USH2A: variants seen among roughly 807,000 people sequenced by gnomAD.
USH2A encodes Usher syndrome 2A (autosomal recessive, mild).
A neutral mutation model predicts 538.9 loss-of-function variants in USH2A; 443 were observed. The ratio of observed to expected loss-of-function variants is 0.82; its 90% CI spans 0.76 to 0.89. USH2A has a LOEUF of 0.89. USH2A is among the 40% of genes least tolerant of loss of function. The probability of loss-of-function intolerance (pLI) is 0.00; values close to 1 mark genes in which losing one functional copy is unlikely to be tolerated. For missense variants in USH2A, 6,633 were observed against 6,324.8 expected, an observed-to-expected ratio of 1.05 and a Z score of -1.65; for synonymous variants, 2,413 against 2,273.5, an observed-to-expected ratio of 1.06 and a Z score of -1.75.
At chr1:215,793,463 C>T (rs1033918981) in intron 50 of USH2A, among the ~76,000 whole-genome samples, 10 of 152,110 alleles carry the variant, frequency 6.6e-5, no homozygotes, top group African/African-American at 2.4e-4. Context: ...CACTTGTCTT[C>T]ACCAGTAGAT....
intron 61 of USH2A, among the ~76,000 whole-genome samples, chr1:215,694,900 A>G (rs1571964937): frequency 6.6e-6 from 1 of 152,364 alleles, no homozygotes; most frequent in South Asian, 2.1e-4. Context: ...GCACTCATAT[A>G]GCAAAATCAT....
At chr1:215,721,661 C>G (rs563757670) in intron 61 of USH2A, among the ~76,000 whole-genome samples, 1 of 151,852 alleles carries the variant, frequency 6.6e-6, no homozygotes, top group South Asian at 2.1e-4. Context: ...CAGACAAATA[C>G]ATATTTGTCT....
At chr1:216,042,597 A>G (rs1238093034) in intron 32 of USH2A, among the ~76,000 whole-genome samples, 1 of 152,030 alleles carries the variant, frequency 6.6e-6, no homozygotes, top group East Asian at 1.9e-4. Flanking sequence ...ATAGCATTGT[A>G]GATAGATACA....
intron 4 of USH2A, among the ~76,000 whole-genome samples, chr1:216,347,647 A>G (rs1415189457): frequency 1.3e-5 from 2 of 152,126 alleles, no homozygotes; most frequent in Non-Finnish European, 2.9e-5. Flanking sequence ...TTCTGATATG[A>G]CTTAGTGTAC....
At chr1:215,947,591 C>T (rs894709904) in intron 37 of USH2A, among the ~76,000 whole-genome samples, 9 of 152,178 alleles carry the variant, frequency 5.9e-5, no homozygotes, top group Non-Finnish European at 1.0e-4. Flanking sequence ...CTTTTATTCA[C>T]AGAAGGCACA....
At chr1:215,709,888 T>C (rs1241351360) in intron 61 of USH2A, among the ~76,000 whole-genome samples, 4 of 152,218 alleles carry the variant, frequency 2.6e-5, no homozygotes, top group Admixed American at 2.0e-4. Context: ...CTTTTGACTA[T>C]TTCTAGGGTT....
intron 19 of USH2A, among the ~76,000 whole-genome samples, chr1:216,192,405 A>C (rs2034736760): frequency 6.6e-6 from 1 of 152,076 alleles, no homozygotes. Context: ...AAAGAGAATA[A>C]GGTAGGCCCA....
At chr1:216,325,676 A>AAGCACTAAACGAG in intron 5 of USH2A, 77 bp from the exon 6 acceptor site, 2 of 1,409,130 alleles carry the variant, frequency 1.4e-6, no homozygotes, top group Non-Finnish European at 1.9e-6. Context: ...TTACAAATGA[A>AAGCACTAAACGAG]TGTCACTCGT....
At chr1:215,765,157 TATTTTA>T (rs1661091986) in intron 56 of USH2A, among the ~76,000 whole-genome samples, 1 of 152,134 alleles carries the variant, frequency 6.6e-6, no homozygotes, top group African/African-American at 2.4e-5. Context: ...GAGATTCTGT[TATTTTA>T]TCAGGTTGAG....
In USH2A at chr1:216,050,560, TTTTCTTTCTTTCTTTC is replaced by T. The variant is rs67191347; in HGVS notation, c.6050-1929_6050-1914del. Among the ~76,000 whole-genome samples the T allele has an allele frequency of 8.4e-4, 30 of 35,704 alleles. 1 individual carries two copies. Among genetic ancestry groups the T allele is most frequent in the African/African-American group, 1.8e-3 (25 of 13,548 alleles). The allele number at this position is 35,704 out of a possible 152,430, so 23.4% of individuals were successfully genotyped here. A position where few individuals can be genotyped will look rare whatever the true frequency, so the allele number is the denominator to read the frequency against. ...ACATGCTACTAGACAATTTGTATCT[TTTTCTTTCTTTCTTTC>T]TTTCTTTCTTTCTTTCTTTCTTTCT... On this transcript the variant is annotated intron_variant, in intron 30 of 71. Transcript: ENST00000307340.
intron 4 of USH2A, among the ~76,000 whole-genome samples, chr1:216,344,197 C>CA (rs574040044): frequency 1.7e-3 from 251 of 151,922 alleles, no homozygotes; most frequent in Non-Finnish European, 3.0e-3. Flanking sequence ...AAGAAACAGA[C>CA]AAAAAATATA....
Position 215,674,490 on chromosome 1 carries a change from A to T in USH2A, c.13421T>A (p.Ile4474Asn). The change falls in exon 63 of 72, where the codon ATC becomes AAC. Residue 4474 changes from isoleucine to asparagine, a missense_variant. Ile to Asn is a moderately radical substitution (Grantham distance 149). Coordinates refer to ENST00000307340, the MANE Select transcript of USH2A (RefSeq NM_206933.4). ...WKPPRNPNGQ[I>N]RSYELRRDGT... ...ATCCCTCCTAAGTTCATAACTTCTG[A>T]TCTGGCCATTTGGGTTTCTTGGAGG... 1 of 1,614,138 alleles carries T rather than the reference A, an allele frequency of 6.2e-7. No homozygotes were observed. The highest frequency in any genetic ancestry group is 2.2e-5 in the East Asian group (1 of 44,860).
intron 47 of USH2A, among the ~76,000 whole-genome samples, chr1:215,821,539 T>G (rs1480979245): frequency 1.3e-5 from 2 of 151,902 alleles, no homozygotes; most frequent in Non-Finnish European, 2.9e-5. Context: ...AGTTTGCAAG[T>G]ATTTTCTCCC....
In USH2A at chr1:215,900,809, G is replaced by A. The variant is rs1665475399; in HGVS notation, c.7397C>T (p.Ser2466Phe). ...STPARNNAPGSPRYQLQMRSG... is the reference protein window; with the variant it reads ...STPARNNAPGFPRYQLQMRSG... ...CCTCATCTGGAGTTGGTATCTGGGA[G>A]AGCCAGGAGCGTTATTACGAGCTGG... The change falls in exon 39 of 72, where the codon TCT becomes TTT. Residue 2466 changes from serine (S) to phenylalanine (F), a missense_variant. Ser to Phe is a radical substitution (Grantham distance 155, BLOSUM62 -2). Transcript: ENST00000307340. 1 of 1,613,824 alleles carries A rather than the reference G, an allele frequency of 6.2e-7. No individual in the cohort carries two copies. Among genetic ancestry groups the A allele is most frequent in the Non-Finnish European group, 8.5e-7 (1 of 1,179,816 alleles).
At chr1:216,166,735 G>C (rs1488271110) in intron 21 of USH2A, among the ~76,000 whole-genome samples, 1 of 152,164 alleles carries the variant, frequency 6.6e-6, no homozygotes, top group Non-Finnish European at 1.5e-5. Context: ...GGTACACACG[G>C]AAGGAGGAAC....
chr1:216,408,333 G>A (rs374804750), intron 3 of USH2A, among the ~76,000 whole-genome samples: 12 of 152,060 alleles, frequency 7.9e-5, no homozygotes, highest in South Asian at 2.1e-4. Flanking sequence ...CTTTTTAAGC[G>A]TATACATATA....
intron 11 of USH2A, among the ~76,000 whole-genome samples, chr1:216,271,915 T>C (rs899719719): frequency 6.6e-6 from 1 of 152,154 alleles, no homozygotes; most frequent in African/African-American, 2.4e-5. Flanking sequence ...CATTTGCTAA[T>C]ATGCTGTTAA....
intron 3 of USH2A, among the ~76,000 whole-genome samples, chr1:216,411,680 AC>A (rs1239968341): frequency 2.6e-5 from 4 of 152,014 alleles, no homozygotes; most frequent in Admixed American, 6.6e-5. Flanking sequence ...GGGCAGACAA[AC>A]CCCAGGAGGT....
intron 46 of USH2A, among the ~76,000 whole-genome samples, chr1:215,842,623 C>A (rs1055375402): frequency 6.6e-6 from 1 of 152,110 alleles, no homozygotes; most frequent in Non-Finnish European, 1.5e-5. Context: ...GAATACCATG[C>A]AGCCATAAAA....
Sources: gnomAD v4.1 joint callset for allele counts (sites outside exome capture counted in the v4.1 genomes callset) on GRCh38, gnomAD v4.1.1 for gene constraint, MANE v1.5 for transcripts, NCBI Gene and HGNC (gene_info 2026-07-23, HGNC 2026-07-21) for gene names.